PDE4D: variants seen among roughly 807,000 people sequenced by gnomAD.
The protein encoded by PDE4D is 3',5'-cyclic-AMP phosphodiesterase 4D.
In PDE4D, 24 loss-of-function variants were observed where a neutral mutation model predicts 87.4. The ratio of observed to expected loss-of-function variants is 0.27; its 90% CI spans 0.20 to 0.39. The LOEUF (loss-of-function observed/expected upper bound fraction) is 0.39, where lower values mean the gene tolerates loss of function less well. PDE4D is among the 10% of genes least tolerant of loss of function. The probability of loss-of-function intolerance (pLI) is 1.00; values close to 1 mark genes in which losing one functional copy is unlikely to be tolerated. For synonymous variants in PDE4D, 384 were observed against 383.2 expected (o/e 1.00, Z -0.02); for missense variants, 714 against 1,041.0 (o/e 0.69, Z 4.32).
At chr5:59,991,223 T>C (rs370201323) in intron 2 of PDE4D, among the ~76,000 whole-genome samples, 4 of 152,102 alleles carry the variant, frequency 2.6e-5, no homozygotes, top group East Asian at 1.9e-4. Context: ...AGAGGTGCCA[T>C]TGGTTGTTAC....
chr5:60,035,425 A>C (rs1422088965), intron 2 of PDE4D, among the ~76,000 whole-genome samples: 1 of 152,192 alleles, frequency 6.6e-6, no homozygotes, highest in Non-Finnish European at 1.5e-5. Context: ...ATTAAAATTC[A>C]AAAGGCTCAA....
chr5:59,023,131 C>T (rs1486126741), intron 6 of PDE4D, among the ~76,000 whole-genome samples: 7 of 151,132 alleles, frequency 4.6e-5, no homozygotes, highest in South Asian at 2.1e-4. Context: ...GCCTAGATCA[C>T]GCCATTGCAC....
intron 2 of PDE4D, among the ~76,000 whole-genome samples, chr5:60,075,928 C>T (rs940243066): frequency 2.0e-5 from 3 of 152,082 alleles, no homozygotes; most frequent in Non-Finnish European, 2.9e-5. Context: ...ATTGTGATTC[C>T]TAGCTTCCTC....
chr5:60,123,409 C>A (rs898564185), intron 2 of PDE4D, among the ~76,000 whole-genome samples: 1 of 152,014 alleles, frequency 6.6e-6, no homozygotes, highest in Non-Finnish European at 1.5e-5. Context: ...TGGCAGGAGG[C>A]AAAAGGTACT....
chr5:59,455,700 GCAGA>G, intron 1 of PDE4D, among the ~76,000 whole-genome samples: 1 of 152,212 alleles, frequency 6.6e-6, no homozygotes, highest in East Asian at 1.9e-4. Flanking sequence ...TGGAAAAGCA[GCAGA>G]CACTCAACAC....
intron 1 of PDE4D, among the ~76,000 whole-genome samples, chr5:59,696,668 G>C (rs1457538050): frequency 6.6e-6 from 1 of 152,168 alleles, no homozygotes; most frequent in Non-Finnish European, 1.5e-5. Flanking sequence ...GAATACAATA[G>C]AGCAAAAAAC....
chr5:60,362,724 C>T (rs533686848), intron 1 of PDE4D, among the ~76,000 whole-genome samples: 5 of 151,944 alleles, frequency 3.3e-5, no homozygotes, highest in Admixed American at 6.6e-5. Context: ...CCAGGTATGG[C>T]GGCAGGCATT....
intron 1 of PDE4D, among the ~76,000 whole-genome samples, chr5:59,601,050 C>T (rs188051504): frequency 6.6e-6 from 1 of 152,272 alleles, no homozygotes; most frequent in Admixed American, 6.5e-5. Context: ...TTTGGAGGAT[C>T]TAGCAAGGAC....
chr5:59,995,692 T>G (rs1763466938), intron 2 of PDE4D, among the ~76,000 whole-genome samples: 1 of 152,184 alleles, frequency 6.6e-6, no homozygotes, highest in Non-Finnish European at 1.5e-5. Flanking sequence ...ATCTTCTGCC[T>G]TTTTATTTAT....
chr5:59,141,273 C>T (rs903527256), intron 5 of PDE4D, among the ~76,000 whole-genome samples: 2 of 152,178 alleles, frequency 1.3e-5, no homozygotes, highest in African/African-American at 4.8e-5. Context: ...TGTAGCCAAA[C>T]CTACTTGCCC....
At chr5:59,029,426 A>AC (rs1305005286) in intron 6 of PDE4D, among the ~76,000 whole-genome samples, 1 of 151,196 alleles carries the variant, frequency 6.6e-6, no homozygotes, top group Non-Finnish European at 1.5e-5. Flanking sequence ...CAAAAAAAAA[A>AC]AAAAAAAAAA....
chr5:60,438,856 G>A (rs1018383110), intron 1 of PDE4D, among the ~76,000 whole-genome samples: 4 of 152,038 alleles, frequency 2.6e-5, no homozygotes, highest in Non-Finnish European at 5.9e-5. Context: ...GTGTTGGTAG[G>A]GTGGTAAGAA....
At chr5:59,122,008 G>A (rs1412943843) in intron 5 of PDE4D, among the ~76,000 whole-genome samples, 1 of 151,968 alleles carries the variant, frequency 6.6e-6, no homozygotes, top group Non-Finnish European at 1.5e-5. Context: ...CGGGCATGGT[G>A]GCACTCGCCT....
chr5:60,081,448 C>T (rs1023163161), intron 2 of PDE4D, among the ~76,000 whole-genome samples: 1 of 151,606 alleles, frequency 6.6e-6, no homozygotes, highest in Admixed American at 6.6e-5. Flanking sequence ...GATTAGTTTG[C>T]TCTTGCCTCT....
chr5:60,149,896 T>C (rs1165914037), intron 2 of PDE4D, among the ~76,000 whole-genome samples: 3 of 147,434 alleles, frequency 2.0e-5, no homozygotes, highest in Non-Finnish European at 3.0e-5. Flanking sequence ...GTACATATTA[T>C]ATATACTAGT....
intron 1 of PDE4D, among the ~76,000 whole-genome samples, chr5:59,743,688 A>G (rs1050670648): frequency 2.0e-5 from 3 of 152,180 alleles, no homozygotes; most frequent in Non-Finnish European, 2.9e-5. Flanking sequence ...AAGAATTAAA[A>G]GCAGGCTCTT....
In PDE4D at chr5:59,978,569, A is replaced by G. The variant is rs147827962; in HGVS notation, c.272+9919T>C. On this transcript the variant is annotated intron_variant, in intron 3 of 16. Coordinates refer to the PDE4D transcript ENST00000502484. ...GAGACAGAATCTACTTCTGGTAAAGATGCTGTGAACATTGTTGAAATGGCA... is the reference window on the plus strand; with the variant it reads ...GAGACAGAATCTACTTCTGGTAAAGGTGCTGTGAACATTGTTGAAATGGCA... 1.1e-3 allele frequency among the ~76,000 whole-genome samples: 170 copies of G among 152,338 alleles called. 2 individuals carry two copies. The highest frequency in any genetic ancestry group is 0.01 in the East Asian group (53 of 5,186).
At chr5:59,684,684 C>T (rs1341886542) in intron 1 of PDE4D, among the ~76,000 whole-genome samples, 1 of 152,140 alleles carries the variant, frequency 6.6e-6, no homozygotes, top group East Asian at 1.9e-4. Context: ...CAGCAAAGGG[C>T]CCCAACTGAT....
chr5:59,887,351 A>G (rs1253426093), intron 1 of PDE4D, among the ~76,000 whole-genome samples: 1 of 152,186 alleles, frequency 6.6e-6, no homozygotes, highest in Non-Finnish European at 1.5e-5. Context: ...TTCGGGAAAA[A>G]TCAGTTTTCT....
Sources: gnomAD v4.1 joint callset for allele counts (sites outside exome capture counted in the v4.1 genomes callset) on GRCh38, gnomAD v4.1.1 for gene constraint, MANE v1.5 for transcripts, NCBI Gene and HGNC (gene_info 2026-07-23, HGNC 2026-07-21) for gene names.